The following GSN variants were observed in gnomAD, a reference collection of about 807,000 sequenced individuals.
The protein encoded by GSN is actin-depolymerizing factor.
In GSN, 56 loss-of-function variants were observed where a neutral mutation model predicts 85.7. The ratio of observed to expected loss-of-function variants is 0.65; its 90% CI spans 0.53 to 0.82. GSN has a LOEUF of 0.82. GSN is among the 40% of genes least tolerant of loss of function. The probability of loss-of-function intolerance (pLI) is 0.00; values close to 1 mark genes in which losing one functional copy is unlikely to be tolerated. For synonymous variants in GSN, 373 were observed against 399.1 expected (o/e 0.93, Z 0.78); for missense variants, 857 against 979.8 (o/e 0.87, Z 1.67).
intron 17 of GSN, 71 bp downstream of exon 17, chr9:121,331,519 A>G (rs2063901383): frequency 2.2e-6 from 2 of 896,164 alleles, no homozygotes; most frequent in African/African-American, 1.6e-5. Flanking sequence ...TGGCTCCTGT[A>G]CAGGTCTGGG....
At chr9:121,256,721 TACA>T (rs1163731292) in intron 6 of GSN, among the ~76,000 whole-genome samples, 1 of 151,618 alleles carries the variant, frequency 6.6e-6, no homozygotes, top group East Asian at 1.9e-4. Context: ...CTACTAAAAA[TACA>T]ACAACAAAAA....
chr9:121,310,370 AG>A, intron 4 of GSN: 1 of 399,016 alleles, frequency 2.5e-6, no homozygotes, highest in Non-Finnish European at 4.7e-6. Context: ...AAGTGGCTAC[AG>A]GGGTCCTTGT....
intron 5 of GSN, among the ~76,000 whole-genome samples, chr9:121,231,681 G>A (rs566030506): frequency 6.6e-6 from 1 of 152,306 alleles, no homozygotes; most frequent in East Asian, 1.9e-4. Flanking sequence ...CCTACAGTAT[G>A]AGCTCTCGTG....
intron 2 of GSN, among the ~76,000 whole-genome samples, chr9:121,288,781 G>T (rs2058391120): frequency 1.3e-5 from 2 of 152,094 alleles, no homozygotes; most frequent in African/African-American, 4.8e-5. Flanking sequence ...CTAAGGGGTG[G>T]GACCTGGTAT....
rs540993102 is a variant in GSN at position 121,260,655 on chromosome 9, C to T, written c.-340-4499C>T. Among the ~76,000 whole-genome samples the T allele has an allele frequency of 3.7e-4, 56 of 152,242 alleles. 1 individual carries two copies. Among genetic ancestry groups the T allele is most frequent in the African/African-American group, 1.0e-3 (43 of 41,528 alleles). ...ACTTTGTTCTATTGTCCCAGTTTGC[C>T]GATGACACAATGGAGACTCAGAGGA... On this transcript the variant is annotated intron_variant, in intron 6 of 24. Coordinates refer to the GSN transcript ENST00000373823.
chr9:121,299,672 C>A lies in GSN; in HGVS notation c.-9-2291C>A. 1 of 714,534 alleles carries A rather than the reference C, an allele frequency of 1.4e-6. No individual in the cohort carries two copies. Among genetic ancestry groups the A allele is most frequent in the Non-Finnish European group, 1.8e-6 (1 of 542,990 alleles). The allele number at this position is 714,534 out of a possible 1,614,324, so 44.3% of individuals were successfully genotyped here. ...GGGTCTCCGCCCCGGAGCTGGGGTGCAGGGGCTGCCGCGCCCTGTCGGGTC... is the reference window on the plus strand; with the variant it reads ...GGGTCTCCGCCCCGGAGCTGGGGTGAAGGGGCTGCCGCGCCCTGTCGGGTC... On this transcript the variant is annotated intron_variant, in intron 2 of 17. Transcript: ENST00000432226. This position sits in a 1 kb window ranked among gnomAD's most constrained non-coding sequence, Gnocchi z 4.2.
chr9:121,240,516 C>A (rs2054582784), intron 5 of GSN, among the ~76,000 whole-genome samples: 1 of 152,238 alleles, frequency 6.6e-6, no homozygotes, highest in African/African-American at 2.4e-5. Flanking sequence ...TCCTGGACAT[C>A]TCTTTAGGGC....
chr9:121,272,544 T>A lies in GSN; in HGVS notation c.-103+4325T>A, dbSNP rs1164293665. ...CAAAGTGAGCCCGCAGTGGTGCAAC[T>A]GGTGATTCAGCTACTGTTCTTGAAT... On this transcript the variant is annotated intron_variant, in intron 1 of 17. Transcript: ENST00000432226. Among the ~76,000 whole-genome samples the A allele has an allele frequency of 2.0e-5, 3 of 152,252 alleles. No individual in the cohort carries two copies. The East Asian group carries it at 5.8e-4, about 29-fold the overall frequency.
At chr9:121,304,883 T>C (rs1251563624) in intron 4 of GSN, among the ~76,000 whole-genome samples, 2 of 152,114 alleles carry the variant, frequency 1.3e-5, no homozygotes, top group Admixed American at 6.6e-5. Flanking sequence ...CTTGAGAGTG[T>C]TCTGAGGAGT....
At chr9:121,208,228 C>T (rs1343465545) in intron 1 of GSN, among the ~76,000 whole-genome samples, 4 of 152,268 alleles carry the variant, frequency 2.6e-5, no homozygotes, top group South Asian at 2.1e-4. Context: ...GAATATTCCA[C>T]GCATTCAACA....
intron 5 of GSN, among the ~76,000 whole-genome samples, chr9:121,241,093 C>T (rs2054594832): frequency 6.6e-6 from 1 of 152,074 alleles, no homozygotes; most frequent in Non-Finnish European, 1.5e-5. Flanking sequence ...CCATACAGAT[C>T]AATTAGAAAG....
intron 2 of GSN, among the ~76,000 whole-genome samples, chr9:121,290,282 A>G (rs1199372455): frequency 6.6e-6 from 1 of 152,310 alleles, no homozygotes; most frequent in East Asian, 1.9e-4. Context: ...GCTTCGTGCC[A>G]GGGACTGTAT....
chr9:121,324,312 C>T (rs2062876379), intron 11 of GSN, among the ~76,000 whole-genome samples: 1 of 152,244 alleles, frequency 6.6e-6, no homozygotes, highest in Non-Finnish European at 1.5e-5. Flanking sequence ...TCCTGTGGGA[C>T]ACATTTAGCA....
intron 3 of GSN, among the ~76,000 whole-genome samples, chr9:121,302,680 G>T (rs1190673483): frequency 6.6e-6 from 1 of 152,164 alleles, no homozygotes; most frequent in Non-Finnish European, 1.5e-5. Flanking sequence ...GCTCAGGAGG[G>T]CTGAGAATGA....
intron 4 of GSN, among the ~76,000 whole-genome samples, chr9:121,223,904 C>T (rs1326403487): frequency 6.6e-6 from 1 of 151,986 alleles, no homozygotes; most frequent in East Asian, 1.9e-4. Flanking sequence ...AGTAATCCAC[C>T]CGCCTCGGCC....
At chr9:121,206,931 C>A (rs1431217322), upstream of GSN, among the ~76,000 whole-genome samples, 1 of 152,150 alleles carries the variant, frequency 6.6e-6, no homozygotes, top group African/African-American at 2.4e-5. Context: ...GATTCACACT[C>A]AGTGGGGCAT....
chr9:121,319,098 G>A (rs773577260), intron 10 of GSN, among the ~76,000 whole-genome samples: 3 of 152,254 alleles, frequency 2.0e-5, no homozygotes, highest in East Asian at 1.9e-4. Flanking sequence ...TGCCTGGTCT[G>A]GGAGGGGAGT....
Position 121,208,538 on chromosome 9 carries a change from C to A in GSN, c.-808+641C>A, listed in dbSNP as rs372423947. On this transcript the variant is annotated intron_variant, in intron 1 of 24. Coordinates refer to the GSN transcript ENST00000373823. ...TGTAAGTTCCTCCTTGGTTATGGCA[C>A]TGCCACCCCCAAATCATGCTTCTAT... 2.0e-4 allele frequency among the ~76,000 whole-genome samples: 30 copies of A among 152,328 alleles called. No homozygotes were observed. The East Asian group carries it at 5.8e-3, about 29-fold the overall frequency.
chr9:121,312,236 A>G, intron 5 of GSN, 103 bp from the exon 6 acceptor site: 1 of 1,257,644 alleles, frequency 8.0e-7, no homozygotes, highest in South Asian at 1.2e-5. Context: ...CAAGTGCAGA[A>G]CAGGGTGAGC....
Sources: allele counts gnomAD v4.1 joint callset (sites outside exome capture counted in the v4.1 genomes callset), GRCh38; gene constraint gnomAD v4.1.1; non-coding constraint Gnocchi (gnomAD v3.1); transcripts MANE v1.5; gene names NCBI Gene and HGNC (gene_info 2026-07-23, HGNC 2026-07-21).